The following VEZT variants were observed in gnomAD, a reference collection of about 807,000 sequenced individuals.
VEZT encodes the protein vezatin.
A neutral mutation model predicts 79.9 loss-of-function variants in VEZT; 39 were observed. The observed-to-expected ratio is 0.49, with a 90% CI of 0.38 to 0.64. VEZT has a LOEUF of 0.64. Among genes scored for constraint, VEZT ranks in the 30% least tolerant of loss-of-function variants. The probability of loss-of-function intolerance (pLI) is 0.00; values close to 1 mark genes in which losing one functional copy is unlikely to be tolerated. For missense variants in VEZT, 837 were observed against 893.1 expected (o/e 0.94, Z 0.80); for synonymous variants, 325 against 327.6 (o/e 0.99, Z 0.09).
rs2075207757 is a variant in VEZT, at chr12:95,301,491, T to TAGAA, written c.*818_*819insAGAA. On this transcript the variant is annotated 3_prime_UTR_variant, in exon 12 of 12. Coordinates refer to ENST00000436874, the MANE Select transcript of VEZT (RefSeq NM_017599.4). ...CACAAACAGGTCACAATCCTGCTGT[T>TAGAA]TTCTAGCCCTGTCCACCATAATGAG... The TAGAA allele has an allele frequency of 6.6e-6, 1 of 152,156 alleles. No homozygotes were observed. Among genetic ancestry groups the TAGAA allele is most frequent in the South Asian group, 2.1e-4 (1 of 4,834 alleles). The allele number at this position is 152,156 out of a possible 1,614,324, so 9.4% of individuals were successfully genotyped here. A position where few individuals can be genotyped will look rare whatever the true frequency, so the allele number is the denominator to read the frequency against.
At chr12:95,276,980 T>C (rs1180153398) in intron 7 of VEZT, among the ~76,000 whole-genome samples, 1 of 152,138 alleles carries the variant, frequency 6.6e-6, no homozygotes, top group African/African-American at 2.4e-5. Flanking sequence ...CTTGAAAATG[T>C]ATTTTAAACC....
In VEZT at chr12:95,274,787, T is replaced by C. The variant is rs746136864; in HGVS notation, c.894T>C (p.Cys298=). The C allele has an allele frequency of 6.2e-7, 1 of 1,613,876 alleles. No homozygotes were observed. Among genetic ancestry groups the C allele is most frequent in the South Asian group, 1.1e-5 (1 of 91,052 alleles). Residue 298 remains cysteine, a synonymous_variant, in exon 7 of 12, where the codon TGT becomes TGC. Transcript: ENST00000436874. ...GTGACAATGTAACCAACTACATCTG[T>C]GTGGTGCCTTTTAAAGAGCTGGGCC... ...SESDNVTNYI[C]VVPFKELGLG...
chr12:95,302,084 A>G lies in VEZT; in HGVS notation c.*1411A>G, dbSNP rs2075277523. 6.6e-6 allele frequency: 1 copy of G among 152,206 alleles called. No homozygotes were observed. The allele number at this position is 152,206 out of a possible 1,614,324, so 9.4% of individuals were successfully genotyped here. A position where few individuals can be genotyped will look rare whatever the true frequency, so the allele number is the denominator to read the frequency against. On this transcript the variant is annotated 3_prime_UTR_variant, in exon 12 of 12. Transcript: ENST00000436874. ...ACTACTTAGAAATAGCTAAATTTCA[A>G]TTTTAAAAATCTTTGTGTGTTATAA...
At chr12:95,249,512 T>A (rs1395180060) in intron 1 of VEZT, among the ~76,000 whole-genome samples, 2 of 152,302 alleles carry the variant, frequency 1.3e-5, no homozygotes, top group East Asian at 3.9e-4. Context: ...GAGGGATATA[T>A]TACTTTTTTA....
intron 4 of VEZT, 113 bp downstream of exon 4, chr12:95,263,194 G>A (rs1466326543): frequency 1.0e-5 from 10 of 1,003,810 alleles, no homozygotes; most frequent in African/African-American, 3.2e-5. Flanking sequence ...ACATTTAGCA[G>A]TACAATTAAA....
intron 1 of VEZT, among the ~76,000 whole-genome samples, chr12:95,247,114 A>G (rs2061831485): frequency 6.6e-6 from 1 of 152,218 alleles, no homozygotes; most frequent in African/African-American, 2.4e-5. Flanking sequence ...TCAGGTTTTA[A>G]TACTAAGACA....
intron 1 of VEZT, chr12:95,224,240 TG>T (rs1195325661): frequency 6.6e-6 from 3 of 455,824 alleles, no homozygotes; most frequent in Non-Finnish European, 1.3e-5. Flanking sequence ...CAGAGAGGTT[TG>T]GGTGTTTCTT....
At chr12:95,260,098 C>CTTTTTTTTTT (rs56756447) in intron 3 of VEZT, among the ~76,000 whole-genome samples, 1 of 68,506 alleles carries the variant, frequency 1.5e-5, no homozygotes, top group Non-Finnish European at 2.6e-5. Flanking sequence ...TGGTTGATCA[C>CTTTTTTTTTT]TTTTTTTTTT....
intron 2 of VEZT, 64 bp from the exon 3 acceptor site, chr12:95,257,076 TAAGTACTTTG>T (rs2063584148): frequency 1.7e-6 from 2 of 1,175,754 alleles, no homozygotes; most frequent in Non-Finnish European, 2.4e-6. Flanking sequence ...TGATTGGAGG[TAAGTACTTTG>T]AAGTTTTTCT....
In VEZT at chr12:95,300,629, G is replaced by A; in HGVS notation, c.2296G>A (p.Glu766Lys). 6.2e-7 allele frequency: 1 copy of A among 1,600,518 alleles called. No individual in the cohort carries two copies. Among genetic ancestry groups the A allele is most frequent in the South Asian group, 1.1e-5 (1 of 89,608 alleles). The change falls in exon 12 of 12, where the codon GAA becomes AAA. Residue 766 changes from glutamate to lysine, a missense_variant. Transcript: ENST00000436874. The part of the protein sequence containing the change: ...QEQTFGGEEE[E>K]QIIEENKNEI... ...ACAGACTTTTGGTGGTGAGGAGGAAGAACAAATAATAGAAGAAAATAAAAA... is the reference window on the plus strand; with the variant it reads ...ACAGACTTTTGGTGGTGAGGAGGAAAAACAAATAATAGAAGAAAATAAAAA...
At chr12:95,288,929 C>T (rs1021571319) in intron 9 of VEZT, among the ~76,000 whole-genome samples, 17 of 151,638 alleles carry the variant, frequency 1.1e-4, no homozygotes, top group African/African-American at 3.9e-4. Context: ...AAGATGCATC[C>T]TGGCCAGGCA....
chr12:95,222,214 C>T (rs932066639), intron 1 of VEZT, among the ~76,000 whole-genome samples: 2 of 152,162 alleles, frequency 1.3e-5, no homozygotes, highest in Non-Finnish European at 2.9e-5. Flanking sequence ...GTGATTAGTG[C>T]TGTTAAAAAA....
intron 7 of VEZT, among the ~76,000 whole-genome samples, chr12:95,276,602 G>A (rs1436704036): frequency 6.6e-6 from 1 of 152,044 alleles, no homozygotes; most frequent in Non-Finnish European, 1.5e-5. Flanking sequence ...TGATCCAAAT[G>A]TCTTAAGTTC....
At chr12:95,222,985 A>G (rs552226465) in intron 1 of VEZT, among the ~76,000 whole-genome samples, 1 of 152,336 alleles carries the variant, frequency 6.6e-6, no homozygotes, top group East Asian at 1.9e-4. Context: ...TTGCTCAGGT[A>G]CAATTTTCTA....
intron 10 of VEZT, among the ~76,000 whole-genome samples, chr12:95,295,586 C>T (rs536872033): frequency 6.6e-6 from 1 of 152,226 alleles, no homozygotes; most frequent in South Asian, 2.1e-4. Flanking sequence ...AGCATCCTAC[C>T]CTCTCTGTCT....
At chr12:95,253,762 T>C (rs560534732) in intron 2 of VEZT, among the ~76,000 whole-genome samples, 1 of 152,208 alleles carries the variant, frequency 6.6e-6, no homozygotes, top group Non-Finnish European at 1.5e-5. Flanking sequence ...TTGAATCCCC[T>C]CAGAAACTGA....
intron 11 of VEZT, among the ~76,000 whole-genome samples, chr12:95,297,690 T>A (rs1289086467): frequency 6.6e-6 from 1 of 152,216 alleles, no homozygotes; most frequent in Non-Finnish European, 1.5e-5. Flanking sequence ...TCTAAACTCT[T>A]TTTCCTGTTT....
At chr12:95,236,158 C>A (rs532629160) in intron 1 of VEZT, among the ~76,000 whole-genome samples, 1 of 152,160 alleles carries the variant, frequency 6.6e-6, no homozygotes, top group Non-Finnish European at 1.5e-5. Context: ...AACGAGACTC[C>A]GTCTGCAATC....
At chr12:95,265,127 C>T (rs2065288916) in intron 4 of VEZT, among the ~76,000 whole-genome samples, 1 of 152,098 alleles carries the variant, frequency 6.6e-6, no homozygotes. Context: ...TCTCAAAGTG[C>T]TGAGATTACA....
Sources: allele counts gnomAD v4.1 joint callset (sites outside exome capture counted in the v4.1 genomes callset), GRCh38; gene constraint gnomAD v4.1.1; transcripts MANE v1.5; gene names NCBI Gene and HGNC (gene_info 2026-07-23, HGNC 2026-07-21).